The following PRDM16 variants were observed in gnomAD, a reference collection of about 807,000 sequenced individuals.
The protein encoded by PRDM16 is histone-lysine N-methyltransferase PRDM16.
Under a neutral mutation model 110.6 loss-of-function variants are expected in PRDM16, and 23 were observed. The ratio of observed to expected loss-of-function variants is 0.21; its 90% CI spans 0.15 to 0.29. PRDM16 has a LOEUF of 0.29. Among genes scored for constraint, PRDM16 ranks in the 10% least tolerant of loss-of-function variants. The pLI, the probability that PRDM16 is intolerant of heterozygous loss-of-function variation, is 1.00. For missense variants in PRDM16, 1,615 were observed against 1,794.3 expected (o/e 0.90, Z 1.81); for synonymous variants, 799 against 781.8 (o/e 1.02, Z -0.37).
intron 3 of PRDM16, among the ~76,000 whole-genome samples, chr1:3,263,679 G>A (rs992839569): frequency 6.6e-6 from 1 of 152,228 alleles, no homozygotes; most frequent in Admixed American, 6.5e-5. Flanking sequence ...AGACCTGACT[G>A]GGCTCCTCCA....
intron 1 of PRDM16, 119 bp from the exon 2 acceptor site, chr1:3,186,006 C>T (rs1020844425): frequency 3.6e-6 from 3 of 837,144 alleles, no homozygotes; most frequent in African/African-American, 1.7e-5. Context: ...GCAGCCGGGC[C>T]TTCTGGGCCC....
intron 14 of PRDM16, among the ~76,000 whole-genome samples, chr1:3,427,693 G>T (rs899988917): frequency 2.6e-5 from 4 of 152,160 alleles, no homozygotes; most frequent in Non-Finnish European, 5.9e-5. Flanking sequence ...GAGCTCACCT[G>T]TAGGGCCCTC....
chr1:3,409,054 C>A (rs555386607), intron 8 of PRDM16, among the ~76,000 whole-genome samples: 5 of 143,938 alleles, frequency 3.5e-5, no homozygotes, highest in Non-Finnish European at 4.6e-5. Context: ...TGGGCCGGTG[C>A]GTGTGTCGGC....
At chr1:3,193,624 G>A (rs1638375845) in intron 2 of PRDM16, among the ~76,000 whole-genome samples, 2 of 152,202 alleles carry the variant, frequency 1.3e-5, no homozygotes, top group Admixed American at 1.3e-4. Flanking sequence ...AGCTCCTGTG[G>A]CTCAGACATA....
intron 2 of PRDM16, among the ~76,000 whole-genome samples, chr1:3,194,681 T>TCGCCACACACCATCGTCTCCC (rs1638415837): frequency 1.0e-5 from 1 of 99,050 alleles, no homozygotes; most frequent in African/African-American, 4.5e-5. Context: ...CACCGTCTGA[T>TCGCCACACACCATCGTCTCCC]CGCCACACGC....
chr1:3,424,119 C>G (rs1038944074), intron 12 of PRDM16, among the ~76,000 whole-genome samples: 1 of 152,274 alleles, frequency 6.6e-6, no homozygotes, highest in East Asian at 1.9e-4. Flanking sequence ...CCGCCGGATG[C>G]CCCCCAGGGA....
At chr1:3,278,692 G>A (rs1437020397) in intron 3 of PRDM16, among the ~76,000 whole-genome samples, 1 of 152,158 alleles carries the variant, frequency 6.6e-6, no homozygotes, top group Non-Finnish European at 1.5e-5. Flanking sequence ...TTCGGCTAGG[G>A]TATTGTGATC....
At position 3,165,908 on chromosome 1, in the gene PRDM16, G is replaced by A. The variant is rs566390443; in HGVS notation, c.38-20217G>A. On this transcript the variant is annotated intron_variant, in intron 1 of 16. Transcript: ENST00000270722. Reference sequence around the variant, plus strand: ...GCACAGGGACTCACCTGGGCTCAGGGACAGGGACTCACCTGGGCTCAGGGA... The same window carrying A: ...GCACAGGGACTCACCTGGGCTCAGGAACAGGGACTCACCTGGGCTCAGGGA... Among the ~76,000 whole-genome samples the A allele has an allele frequency of 2.9e-4, 39 of 134,520 alleles. 12 individuals are homozygous for A. Among genetic ancestry groups the A allele is most frequent in the African/African-American group, 1.3e-3 (39 of 29,914 alleles). 88.3% of individuals were successfully genotyped at this position (134,520 alleles called of 152,430 possible).
chr1:3,178,484 C>T (rs1415112712), intron 1 of PRDM16, among the ~76,000 whole-genome samples: 1 of 152,220 alleles, frequency 6.6e-6, no homozygotes, highest in East Asian at 1.9e-4. Flanking sequence ...GCTGTTCTCC[C>T]GGAGGCCGGG....
intron 3 of PRDM16, among the ~76,000 whole-genome samples, chr1:3,285,879 GC>G (rs1441551996): frequency 6.6e-6 from 1 of 152,184 alleles, no homozygotes. Context: ...TTTCATCTCT[GC>G]CGAGCGTGGA....
chr1:3,274,807 T>C (rs1318095787), intron 3 of PRDM16, among the ~76,000 whole-genome samples: 1 of 150,894 alleles, frequency 6.6e-6, no homozygotes, highest in Non-Finnish European at 1.5e-5. Context: ...TTCTCCTTTG[T>C]ATGTTTGGGG....
intron 1 of PRDM16, among the ~76,000 whole-genome samples, chr1:3,077,567 T>A (rs1012519504): frequency 2.6e-5 from 4 of 152,222 alleles, no homozygotes; most frequent in African/African-American, 9.6e-5. Context: ...AGGTGCTTTT[T>A]CCTGGAATTT....
At chr1:3,366,001 C>T (rs892386505) in intron 3 of PRDM16, among the ~76,000 whole-genome samples, 6 of 152,208 alleles carry the variant, frequency 3.9e-5, no homozygotes, top group Non-Finnish European at 1.5e-5. Context: ...TGCACACATA[C>T]GCGCACGCAC....
rs1642682973 is a variant in PRDM16 at position 3,359,958 on chromosome 1, A to G, written c.439-25194A>G. Among the ~76,000 whole-genome samples the G allele has an allele frequency of 2.0e-5, 3 of 152,354 alleles. No homozygotes were observed. Among genetic ancestry groups the G allele is most frequent in the African/African-American group, 7.2e-5 (3 of 41,588 alleles). ...CACAGAAGGCCGCCCGGCTCAGAAC[A>G]GGTCCCTTCAGCCGGCTCAGCAGCC... On this transcript the variant is annotated intron_variant, in intron 3 of 16. Transcript: ENST00000270722. This position sits in a 1 kb window ranked among gnomAD's most constrained non-coding sequence, Gnocchi z 4.3.
chr1:3,073,765 C>T (rs967014860), intron 1 of PRDM16, among the ~76,000 whole-genome samples: 4 of 152,194 alleles, frequency 2.6e-5, no homozygotes, highest in African/African-American at 9.6e-5. Context: ...CCCGCGTCCA[C>T]ACCGCGCAGC....
At chr1:3,235,119 A>G (rs1214820418) in intron 2 of PRDM16, among the ~76,000 whole-genome samples, 1 of 152,164 alleles carries the variant, frequency 6.6e-6, no homozygotes, top group Non-Finnish European at 1.5e-5. Flanking sequence ...AGAGCCCCCT[A>G]CCGAGCCCTG....
chr1:3,296,169 G>A lies in PRDM16; in HGVS notation c.438+52032G>A, dbSNP rs571048366. 3.3e-4 allele frequency among the ~76,000 whole-genome samples: 51 copies of A among 152,324 alleles called. No individual in the cohort carries two copies. In the South Asian group the frequency reaches 4.8e-3, roughly 14 times the overall value. On this transcript the variant is annotated intron_variant, in intron 3 of 16. Transcript: ENST00000270722. ...GGAACCGTACGGGTCATGGTGGAGC[G>A]TCCTGGGGAAGTGGCTGTCGGCTTG...
chr1:3,331,711 G>A lies in PRDM16; in HGVS notation c.439-53441G>A, dbSNP rs113109952. ...TGGGCAGAGAACAGCCTTCCTCCCCGTTGCCTGGCACCCGGACCCAGGGCT... is the reference window on the plus strand; with the variant it reads ...TGGGCAGAGAACAGCCTTCCTCCCCATTGCCTGGCACCCGGACCCAGGGCT... On this transcript the variant is annotated intron_variant, in intron 3 of 16. Transcript: ENST00000270722. Among the ~76,000 whole-genome samples the A allele has an allele frequency of 9.1e-3, 1,392 of 152,302 alleles. 25 individuals carry two copies. Among genetic ancestry groups the A allele is most frequent in the African/African-American group, 0.031 (1,297 of 41,562 alleles).
intron 1 of PRDM16, among the ~76,000 whole-genome samples, chr1:3,126,203 G>C (rs993938485): frequency 6.6e-6 from 1 of 152,228 alleles, no homozygotes; most frequent in Non-Finnish European, 1.5e-5. Context: ...CAGCTCCCCT[G>C]GGCTTGCAGA....
Sources: gnomAD v4.1 joint callset for allele counts (sites outside exome capture counted in the v4.1 genomes callset) on GRCh38, gnomAD v4.1.1 for gene constraint, Gnocchi (gnomAD v3.1) non-coding constraint, MANE v1.5 for transcripts, NCBI Gene and HGNC (gene_info 2026-07-23, HGNC 2026-07-21) for gene names.